Variants in FANCG observed in about 807,000 individuals in gnomAD.
FANCG encodes the protein FA complementation group G.
A neutral mutation model predicts 73.3 loss-of-function variants in FANCG; 67 were observed. The ratio of observed to expected loss-of-function variants is 0.91; its 90% CI spans 0.75 to 1.12. The LOEUF is 1.12. Ranked by LOEUF, FANCG falls within the 50% of genes most tolerant of loss-of-function variation. The probability of loss-of-function intolerance (pLI) is 0.00; values close to 1 mark genes in which losing one functional copy is unlikely to be tolerated. For synonymous variants in FANCG, 297 were observed against 311.6 expected (o/e 0.95, Z 0.49); for missense variants, 643 against 735.6 (o/e 0.87, Z 1.46).
chr9:35,077,496 T>C, intron 4 of FANCG, 97 bp from the exon 5 acceptor site: 3 of 1,489,080 alleles, frequency 2.0e-6, no homozygotes, highest in Non-Finnish European at 2.8e-6. Context: ...TCAAGGGTCC[T>C]CTTGATCCTT....
intron 4 of FANCG, 166 bp downstream of exon 4, chr9:35,077,975 G>C (rs897115596): frequency 1.3e-5 from 9 of 713,048 alleles, no homozygotes; most frequent in Non-Finnish European, 2.0e-5. Flanking sequence ...TCCCCACAAT[G>C]AGAGACCAAC....
In FANCG at chr9:35,076,578, C is replaced by T. The variant is rs775450331; in HGVS notation, c.930G>A (p.Leu310=). Residue 310 remains leucine (L), a synonymous_variant, in exon 8 of 14, where the codon TTG becomes TTA. Coordinates refer to ENST00000378643, the MANE Select transcript of FANCG (RefSeq NM_004629.2). ...GGGCTTTGGAACTGCATGGGACATTCAAGGCCTAAAAGAGAAAGAAAAAAA... is the reference window on the plus strand; with the variant it reads ...GGGCTTTGGAACTGCATGGGACATTTAAGGCCTAAAAGAGAAAGAAAAAAA... The part of the protein sequence containing the change: ...LESLELLVEA[L]NVPCSSKAPQ... 6.2e-7 allele frequency: 1 copy of T among 1,614,184 alleles called. No homozygotes were observed. The highest frequency in any genetic ancestry group is 1.1e-5 in the South Asian group (1 of 91,088).
In FANCG at chr9:35,078,219, G is replaced by A. The variant is rs1829121164; in HGVS notation, c.432C>T (p.Gly144=). ...ELLSALHRLV[G]LQAALWLSAD... ...CACTCAACCAGAGGGCAGCCTGCAG[G>A]CCAACCAGGCGGTGCAGGGCAGACA... Residue 144 remains glycine, a synonymous_variant, in exon 4 of 14, where the codon GGC becomes GGT. Coordinates refer to ENST00000378643, the MANE Select transcript of FANCG (RefSeq NM_004629.2). 2 of 1,614,188 alleles carry A rather than the reference G, an allele frequency of 1.2e-6. No individual in the cohort carries two copies. Among genetic ancestry groups the A allele is most frequent in the Admixed American group, 1.7e-5 (1 of 60,026 alleles).
intron 4 of FANCG, 97 bp downstream of exon 4, chr9:35,078,044 G>T: frequency 8.0e-7 from 1 of 1,242,594 alleles, no homozygotes. Context: ...CACCAACCCA[G>T]CCGCCTGTCC....
Position 35,076,593 on chromosome 9 carries a change from A to T in FANCG, c.925-10T>A. On this transcript the variant is annotated splice_polypyrimidine_tract_variant and intron_variant, in intron 7 of 13. Coordinates refer to ENST00000378643, the MANE Select transcript of FANCG (RefSeq NM_004629.2). ...ATGGGACATTCAAGGCCTAAAAGAGAAAGAAAAAAATTGTATCTATAATCT... is the reference window on the plus strand; with the variant it reads ...ATGGGACATTCAAGGCCTAAAAGAGTAAGAAAAAAATTGTATCTATAATCT... The T allele has an allele frequency of 3.1e-6, 5 of 1,614,126 alleles. No individual in the cohort carries two copies. The highest frequency in any genetic ancestry group is 4.2e-6 in the Non-Finnish European group (5 of 1,180,020).
chr9:35,079,358 C>A, intron 1 of FANCG, 83 bp downstream of exon 1: 1 of 1,569,234 alleles, frequency 6.4e-7, no homozygotes. Context: ...TCAGTCCCTC[C>A]CCATCGGTTG....
chr9:35,078,087 AAGG>A, intron 4 of FANCG, 51 bp downstream of exon 4: 1 of 1,527,530 alleles, frequency 6.5e-7, no homozygotes, highest in Non-Finnish European at 9.1e-7. Flanking sequence ...GCTGGAGAGA[AAGG>A]AGGAGGAAGG....
chr9:35,075,645 T>G lies in FANCG; in HGVS notation c.1253A>C (p.Glu418Ala), dbSNP rs945983673. 5.0e-6 allele frequency: 8 copies of G among 1,609,566 alleles called. No homozygotes were observed. The African/African-American group carries it at 9.4e-5, about 19-fold the overall frequency. Reference sequence around the variant, plus strand: ...AGATGATGTGCGGCTGAGCAACTCCTCACATAGAGTCAAGGCATCTTGGGC... The same window carrying G: ...AGATGATGTGCGGCTGAGCAACTCCGCACATAGAGTCAAGGCATCTTGGGC... ...GRAQDALTLC[E>A]ELLSRTSSLL... The change falls in exon 10 of 14, where the codon GAG (glutamate) becomes GCG (alanine). Residue 418 changes from glutamate (E) to alanine (A), a missense_variant. By Grantham distance (107) the Glu-to-Ala change is moderately radical. Transcript: ENST00000378643.
rs777459203 is a variant in FANCG, at chr9:35,079,507, G to A, written c.18C>T (p.Thr6=). MSRQT[T]SVGSSCLDLW... ...GGTCCAGGCAGCTGGAGCCCACAGA[G>A]GTGGTCTGGCGGGACATGGTGGCCG... The change falls in exon 1 of 14, where the codon ACC becomes ACT. Residue 6 remains threonine, a synonymous_variant. Transcript: ENST00000378643. The A allele has an allele frequency of 4.1e-5, 66 of 1,614,018 alleles. No homozygotes were observed. In the Admixed American group the frequency reaches 1.1e-3, roughly 26 times the overall value.
At chr9:35,074,831 G>A in intron 12 of FANCG, 96 bp downstream of exon 12, 1 of 1,493,514 alleles carries the variant, frequency 6.7e-7, no homozygotes, top group Non-Finnish European at 9.3e-7. Context: ...CCTCCTGTCT[G>A]AGAACACCAC....
chr9:35,078,668 C>G lies in FANCG; in HGVS notation c.244G>C (p.Ala82Pro). 6.2e-7 allele frequency: 1 copy of G among 1,614,162 alleles called. No homozygotes were observed. The highest frequency in any genetic ancestry group is 8.5e-7 in the Non-Finnish European group (1 of 1,180,018). The change falls in exon 3 of 14, where the codon GCA becomes CCA. Residue 82 changes from alanine (A) to proline (P), a missense_variant. By Grantham distance (27) the Ala-to-Pro change is conservative. Coordinates refer to ENST00000378643, the MANE Select transcript of FANCG (RefSeq NM_004629.2). ...TCTGTGAAACCCTGGGCCAAGCTTG[C>G]CCTCAGGATAATGAAGTTGCAGGTG... ...TVTCNFIILR[A>P]SLAQGFTEDQ...
At position 35,078,345 on chromosome 9, in the gene FANCG, T is replaced by C; in HGVS notation, c.308-2A>G. 1 of 1,612,904 alleles carries C rather than the reference T, an allele frequency of 6.2e-7. No individual in the cohort carries two copies. Among genetic ancestry groups the C allele is most frequent in the Non-Finnish European group, 8.5e-7 (1 of 1,179,830 alleles). The stretch of plus-strand genomic sequence containing the variant: ...CCTGCTGCTCCTGTGTCTCCAGCAC[T>C]GTAGAGTATACACACACACATAGAC... On this transcript the variant is annotated splice_acceptor_variant, in intron 3 of 13. Coordinates refer to ENST00000378643, the MANE Select transcript of FANCG (RefSeq NM_004629.2). LOFTEE classifies it high-confidence loss of function.
At chr9:35,075,253 A>G (rs1217702074) in intron 11 of FANCG, 26 bp downstream of exon 11, 1 of 1,613,654 alleles carries the variant, frequency 6.2e-7, no homozygotes, top group Non-Finnish European at 8.5e-7. Flanking sequence ...CCAGGAGGTA[A>G]GAGGAAAACT....
At chr9:35,076,892 G>C (rs1349013541) in intron 6 of FANCG, 22 bp from the exon 7 acceptor site, 1 of 1,614,210 alleles carries the variant, frequency 6.2e-7, no homozygotes, top group African/African-American at 1.3e-5. Context: ...GGAGGACACG[G>C]GCCTCAGCTA....
In FANCG at chr9:35,079,173, T is replaced by C; in HGVS notation, c.153A>G (p.Arg51=). 2 of 1,608,072 alleles carry C rather than the reference T, an allele frequency of 1.2e-6. No individual in the cohort carries two copies. Among genetic ancestry groups the C allele is most frequent in the Non-Finnish European group, 1.7e-6 (2 of 1,177,356 alleles). ...QLAQDALEGL[R]GLLHSLQGLP... Reference sequence around the variant, plus strand: ...TACCTTGCAGACTATGGAGGAGCCCTCTGAGCCCTTCCAGTGCATCCTGAG... The same window carrying C: ...TACCTTGCAGACTATGGAGGAGCCCCCTGAGCCCTTCCAGTGCATCCTGAG... Residue 51 remains arginine (R), a synonymous_variant, in exon 2 of 14, where the codon AGA becomes AGG. Transcript: ENST00000378643.
intron 12 of FANCG, 108 bp from the exon 13 acceptor site, chr9:35,074,602 C>G: frequency 6.9e-7 from 1 of 1,441,556 alleles, no homozygotes; most frequent in African/African-American, 1.4e-5. Flanking sequence ...CTTGCCTACA[C>G]TCACATATGG....
chr9:35,076,090 G>A (rs542206888), intron 8 of FANCG, 62 bp from the exon 9 acceptor site: 67 of 1,482,406 alleles, frequency 4.5e-5, no homozygotes, highest in Non-Finnish European at 6.0e-5. Context: ...CAAGGGTCCT[G>A]AGAATGTTCT....
intron 9 of FANCG, 72 bp from the exon 10 acceptor site, chr9:35,075,826 G>C: frequency 1.3e-6 from 2 of 1,538,230 alleles, no homozygotes; most frequent in Non-Finnish European, 1.8e-6. Flanking sequence ...CCAGGCTCTG[G>C]TACCATGCAG....
chr9:35,078,314 T>A lies in FANCG; in HGVS notation c.337A>T (p.Arg113Trp). The change falls in exon 4 of 14, where the codon AGG becomes TGG. Residue 113 changes from arginine (R) to tryptophan (W), a missense_variant. Arg to Trp is a moderately radical substitution (Grantham distance 101). Coordinates refer to ENST00000378643, the MANE Select transcript of FANCG (RefSeq NM_004629.2). Reference sequence around the variant, plus strand: ...AGCTCCCTGAGCCCCTGTTCCAACCTGGGCCCCTGCTGCTCCTGTGTCTCC... The same window carrying A: ...AGCTCCCTGAGCCCCTGTTCCAACCAGGGCCCCTGCTGCTCCTGTGTCTCC... ...VLETQEQQGP[R>W]LEQGLRELWD... 6.2e-7 allele frequency: 1 copy of A among 1,613,816 alleles called. No individual in the cohort carries two copies. Among genetic ancestry groups the A allele is most frequent in the Non-Finnish European group, 8.5e-7 (1 of 1,179,996 alleles).
Sources: allele counts gnomAD v4.1 joint callset, GRCh38; gene constraint gnomAD v4.1.1; transcripts MANE v1.5; gene names NCBI Gene and HGNC (gene_info 2026-07-23, HGNC 2026-07-21).